The following RTL4 variants were observed in gnomAD, a reference collection of about 807,000 sequenced individuals.
RTL4 encodes the protein retrotransposon Gag-like protein 4.
RTL4 carries 4 observed loss-of-function variants against 5.3 expected under a neutral mutation model. The ratio of observed to expected loss-of-function variants is 0.75; its 90% confidence interval spans 0.37 to 1.72. The LOEUF (loss-of-function observed/expected upper bound fraction) is 1.72. Among genes scored for constraint, RTL4 ranks in the 40% most tolerant of loss-of-function variants. The probability of loss-of-function intolerance (pLI) is 0.04; values close to 1 mark genes in which losing one functional copy is unlikely to be tolerated. For synonymous variants in RTL4, 98 were observed against 87.3 expected (o/e 1.12, Z -0.68); for missense variants, 260 against 227.1 (o/e 1.14, Z -0.93).
chrX:112,336,550 T>C, the RTL4 span, among the ~76,000 whole-genome samples: 4,418 of 112,082 alleles, frequency 0.039, 234 homozygotes, highest in African/African-American at 0.14. Flanking sequence ...TTTGCCTAAA[T>C]TATTTATTGT....
chrX:112,311,528 C>G, the RTL4 span, among the ~76,000 whole-genome samples: 1 of 110,661 alleles, frequency 9.0e-6, no homozygotes, highest in African/African-American at 3.3e-5. Flanking sequence ...AGCAGCTGCC[C>G]CTGTAAGTCC....
the RTL4 span, among the ~76,000 whole-genome samples, chrX:112,401,492 G>A: frequency 2.7e-5 from 3 of 111,699 alleles, no homozygotes; most frequent in Non-Finnish European, 3.8e-5. Flanking sequence ...GTGTCAAAAT[G>A]CCTGGATTCT....
the RTL4 span, among the ~76,000 whole-genome samples, chrX:112,325,008 GACAA>G: frequency 3.6e-5 from 4 of 111,611 alleles, no homozygotes; most frequent in Non-Finnish European, 7.5e-5. Context: ...ACCAATAGCA[GACAA>G]ACAGAGAGCC....
the RTL4 span, among the ~76,000 whole-genome samples, chrX:112,316,235 T>C: frequency 8.9e-6 from 1 of 112,330 alleles, no homozygotes; most frequent in Non-Finnish European, 1.9e-5. Flanking sequence ...TATAGTAAAG[T>C]TGATGCACCA....
the RTL4 span, among the ~76,000 whole-genome samples, chrX:112,187,203 C>G: frequency 8.9e-6 from 1 of 111,986 alleles, no homozygotes. Context: ...TTCTTTTAAC[C>G]CTTCTCAAAT....
upstream of RTL4, among the ~76,000 whole-genome samples, chrX:112,452,522 G>C (rs185755047): frequency 1.4e-3 from 151 of 110,460 alleles, no homozygotes; most frequent in African/African-American, 4.8e-3. Flanking sequence ...CTGGAAGACA[G>C]ATCAGGAAAT....
the RTL4 span, among the ~76,000 whole-genome samples, chrX:112,352,936 C>T: frequency 9.0e-6 from 1 of 111,292 alleles, no homozygotes; most frequent in Non-Finnish European, 1.9e-5. Flanking sequence ...TACTTATCTG[C>T]CAAAGGGCTA....
the RTL4 span, among the ~76,000 whole-genome samples, chrX:112,160,732 G>A: frequency 1.8e-5 from 2 of 110,989 alleles, no homozygotes; most frequent in African/African-American, 6.6e-5. Context: ...AGAAGGTGGA[G>A]GGAGAAAGAA....
the RTL4 span, among the ~76,000 whole-genome samples, chrX:112,208,529 G>A: frequency 5.0e-3 from 565 of 112,056 alleles, 6 homozygotes; most frequent in African/African-American, 0.018. Context: ...TCAATAGAAA[G>A]GGCCATTTGG....
chrX:112,147,321 T>C, the RTL4 span, among the ~76,000 whole-genome samples: 1 of 111,171 alleles, frequency 9.0e-6, no homozygotes, highest in African/African-American at 3.3e-5. Context: ...CCCTGTGGCT[T>C]GCAAAGCACT....
chrX:112,299,165 T>A, the RTL4 span, among the ~76,000 whole-genome samples: 1 of 111,459 alleles, frequency 9.0e-6, no homozygotes, highest in Non-Finnish European at 1.9e-5. Flanking sequence ...CCTGAGTGGG[T>A]TGCAAATGCG....
At chrX:112,341,367 T>C in the RTL4 span, among the ~76,000 whole-genome samples, 1 of 111,805 alleles carries the variant, frequency 8.9e-6, no homozygotes, top group African/African-American at 3.3e-5. Flanking sequence ...GTTTAGTCAG[T>C]GAATAAGCAA....
chrX:112,432,807 A>G, the RTL4 span, among the ~76,000 whole-genome samples: 4 of 110,398 alleles, frequency 3.6e-5, no homozygotes, highest in East Asian at 1.1e-3. Context: ...GTCCTTGCCC[A>G]TGCCTATGGC....
At chrX:112,136,286 C>T in the RTL4 span, among the ~76,000 whole-genome samples, 3 of 111,399 alleles carry the variant, frequency 2.7e-5, no homozygotes, top group African/African-American at 9.8e-5. Flanking sequence ...AGATAATTGT[C>T]CTTCTTACTT....
the RTL4 span, among the ~76,000 whole-genome samples, chrX:112,306,110 T>C: frequency 3.6e-5 from 4 of 111,672 alleles, no homozygotes; most frequent in African/African-American, 9.8e-5. Flanking sequence ...TTATACCAAG[T>C]GTCACTTGAG....
At chrX:112,364,513 A>C in the RTL4 span, among the ~76,000 whole-genome samples, 2 of 111,842 alleles carry the variant, frequency 1.8e-5, no homozygotes. Flanking sequence ...ATTTCAATAC[A>C]ACATCTCACT....
the RTL4 span, among the ~76,000 whole-genome samples, chrX:112,359,068 A>G: frequency 9.2e-3 from 1,030 of 111,841 alleles, 16 homozygotes; most frequent in African/African-American, 0.032. Flanking sequence ...GAAAACAGTG[A>G]GTCTATAATA....
chrX:112,450,545 A>G (rs1926718000), upstream of RTL4, among the ~76,000 whole-genome samples: 1 of 111,609 alleles, frequency 9.0e-6, no homozygotes, highest in Non-Finnish European at 1.9e-5. Flanking sequence ...CCTTTAAAGG[A>G]GAACAATTTC....
the RTL4 span, among the ~76,000 whole-genome samples, chrX:112,353,123 C>A: frequency 1.8e-5 from 2 of 111,751 alleles, no homozygotes; most frequent in African/African-American, 6.5e-5. Flanking sequence ...CAAATAAAAA[C>A]CACATTGAAA....
Sources: gnomAD v4.1 joint callset for allele counts (sites outside exome capture counted in the v4.1 genomes callset) on GRCh38, gnomAD v4.1.1 for gene constraint, MANE v1.5 for transcripts, NCBI Gene and HGNC (gene_info 2026-07-23, HGNC 2026-07-21) for gene names.